The following HNRNPC variants were observed in gnomAD, a reference collection of about 807,000 sequenced individuals.
HNRNPC encodes heterogeneous nuclear ribonucleoprotein C.
HNRNPC carries 3 observed loss-of-function variants against 33.2 expected under a neutral mutation model. The ratio of observed to expected loss-of-function variants is 0.09; its 90% confidence interval spans 0.04 to 0.23. The LOEUF is 0.23. Among genes scored for constraint, HNRNPC ranks in the 10% least tolerant of loss-of-function variants. HNRNPC has a pLI of 1.00. For synonymous variants in HNRNPC, 121 were observed against 126.7 expected (o/e 0.96, Z 0.30); for missense variants, 143 against 366.7 (o/e 0.39, Z 4.98).
At chr14:21,245,721 A>T (rs1177669732) in intron 2 of HNRNPC, among the ~76,000 whole-genome samples, 1 of 152,124 alleles carries the variant, frequency 6.6e-6, no homozygotes, top group African/African-American at 2.4e-5. Flanking sequence ...TACTAACCTT[A>T]TTTAGTTTAC....
rs111976855 is a variant in HNRNPC, at chr14:21,266,722, C to A, written c.-63+2576G>T. Among the ~76,000 whole-genome samples, 69 of 150,416 alleles carry A rather than the reference C, an allele frequency of 4.6e-4. 1 individual carries two copies. The highest frequency in any genetic ancestry group is 1.6e-3 in the African/African-American group (65 of 40,830). ...ATGCATATTAAGAGCAAATAATGCT[C>A]CCCAGAGACAACTACTAATAAAGTA... is the stretch of plus-strand genomic sequence containing the variant. On this transcript the variant is annotated intron_variant, in intron 1 of 8. Coordinates refer to ENST00000553300, the MANE Select transcript of HNRNPC (RefSeq NM_004500.4).
At chr14:21,251,663 C>CAG (rs750707365) in intron 2 of HNRNPC, among the ~76,000 whole-genome samples, 5 of 151,852 alleles carry the variant, frequency 3.3e-5, no homozygotes, top group Non-Finnish European at 5.9e-5. Flanking sequence ...GCCTGGGCAA[C>CAG]AGAGACTCCG....
intron 1 of HNRNPC, among the ~76,000 whole-genome samples, chr14:21,267,083 G>A (rs556657416): frequency 5.9e-5 from 6 of 102,514 alleles, no homozygotes; most frequent in African/African-American, 7.6e-5. Flanking sequence ...GCGACAGAGC[G>A]AGACTCCGTC....
chr14:21,220,598 A>G (rs1892720082), intron 5 of HNRNPC, among the ~76,000 whole-genome samples: 1 of 152,198 alleles, frequency 6.6e-6, no homozygotes, highest in South Asian at 2.1e-4. Flanking sequence ...ATATTTGTTG[A>G]GTAAATAAAT....
chr14:21,211,879 T>A lies in HNRNPC; in HGVS notation c.568A>T (p.Ile190Leu). Residue 190 changes from isoleucine to leucine, a missense_variant, in exon 7 of 9, where the codon ATA becomes TTA. Ile to Leu is a conservative substitution (Grantham distance 5). Coordinates refer to ENST00000553300, the MANE Select transcript of HNRNPC (RefSeq NM_004500.4). ...AGGAGAGAATCCACTTTTTGTTTTA[T>A]CTGGGTCAGCTCCTTCTTAATGGCC... ...LQAIKKELTQIKQKVDSLLEN... is the reference protein window; with the variant it reads ...LQAIKKELTQLKQKVDSLLEN... 2 of 1,613,730 alleles carry A rather than the reference T, an allele frequency of 1.2e-6. No homozygotes were observed. Among genetic ancestry groups the A allele is most frequent in the Non-Finnish European group, 1.7e-6 (2 of 1,179,962 alleles).
chr14:21,268,524 G>T lies in HNRNPC; in HGVS notation c.-63+774C>A, dbSNP rs1164984482. On this transcript the variant is annotated intron_variant, in intron 1 of 8. Transcript: ENST00000553300. ...TAAAAACCACTCGACTGACCTCGTGGTCAAATTCCTTACTAGTGCTGCTAC... is the reference window on the plus strand; with the variant it reads ...TAAAAACCACTCGACTGACCTCGTGTTCAAATTCCTTACTAGTGCTGCTAC... 3 of 152,220 alleles carry T rather than the reference G, an allele frequency of 2.0e-5. No individual in the cohort carries two copies. In the East Asian group the frequency reaches 5.8e-4, roughly 29 times the overall value. 9.4% of individuals were successfully genotyped at this position (152,220 alleles called of 1,614,324 possible). A position where few individuals can be genotyped will look rare whatever the true frequency, so the allele number is the denominator to read the frequency against.
chr14:21,266,247 C>A (rs555190586), intron 1 of HNRNPC, among the ~76,000 whole-genome samples: 10 of 152,206 alleles, frequency 6.6e-5, no homozygotes, highest in African/African-American at 2.4e-4. Flanking sequence ...GGACTACAGG[C>A]GAGCGCCAGC....
chr14:21,215,589 T>C (rs897847523), intron 5 of HNRNPC, among the ~76,000 whole-genome samples: 4 of 152,126 alleles, frequency 2.6e-5, no homozygotes, highest in African/African-American at 4.8e-5. Flanking sequence ...GAGACATTAA[T>C]CACCTGAACA....
chr14:21,250,979 C>T (rs1041878147), intron 2 of HNRNPC, among the ~76,000 whole-genome samples: 4 of 152,038 alleles, frequency 2.6e-5, no homozygotes, highest in Non-Finnish European at 4.4e-5. Flanking sequence ...CTTCCATTTC[C>T]GGCCGGGCGC....
At chr14:21,239,294 TGGTGAAACACCATCTG>T in intron 2 of HNRNPC, among the ~76,000 whole-genome samples, 2 of 151,024 alleles carry the variant, frequency 1.3e-5, no homozygotes. Flanking sequence ...CTAGCTAACA[TGGTGAAACACCATCTG>T]TACTAAAAAT....
chr14:21,226,899 G>GAAAAT (rs763914963), intron 5 of HNRNPC, among the ~76,000 whole-genome samples: 1 of 106,356 alleles, frequency 9.4e-6, no homozygotes. Context: ...AAAAAAAGGG[G>GAAAAT]GGGGGGGGAC....
chr14:21,224,699 C>T (rs1389453600), intron 5 of HNRNPC, among the ~76,000 whole-genome samples: 2 of 152,140 alleles, frequency 1.3e-5, no homozygotes, highest in Admixed American at 6.5e-5. Flanking sequence ...AATCCCAGAA[C>T]ATGTAATACA....
intron 3 of HNRNPC, among the ~76,000 whole-genome samples, chr14:21,233,356 T>C (rs1253584579): frequency 6.6e-6 from 1 of 152,186 alleles, no homozygotes; most frequent in East Asian, 1.9e-4. Context: ...AATATAAATT[T>C]AAAAATAATC....
intron 2 of HNRNPC, among the ~76,000 whole-genome samples, chr14:21,242,142 G>A (rs978005976): frequency 6.6e-6 from 1 of 152,110 alleles, no homozygotes; most frequent in Non-Finnish European, 1.5e-5. Context: ...ATTTAAAAAT[G>A]GCAGGAAATC....
chr14:21,246,050 C>G (rs1281827172), intron 2 of HNRNPC, among the ~76,000 whole-genome samples: 1 of 152,052 alleles, frequency 6.6e-6, no homozygotes, highest in Non-Finnish European at 1.5e-5. Context: ...TCTCAAATTC[C>G]TGACCTGAGG....
chr14:21,244,040 T>C (rs1035781945), intron 2 of HNRNPC, among the ~76,000 whole-genome samples: 2 of 152,130 alleles, frequency 1.3e-5, no homozygotes, highest in African/African-American at 4.8e-5. Flanking sequence ...AGTTTTTTTT[T>C]TTTTTAAGAC....
intron 5 of HNRNPC, among the ~76,000 whole-genome samples, chr14:21,218,644 T>C (rs1892470259): frequency 8.1e-6 from 1 of 123,076 alleles, no homozygotes; most frequent in African/African-American, 3.3e-5. Flanking sequence ...ATCGCACCAC[T>C]GCATTCCAGC....
chr14:21,218,147 G>C (rs1372221007), intron 5 of HNRNPC, among the ~76,000 whole-genome samples: 2 of 152,134 alleles, frequency 1.3e-5, no homozygotes, highest in Admixed American at 6.5e-5. Flanking sequence ...AATTTTAGTA[G>C]AGATGGGATT....
intron 5 of HNRNPC, among the ~76,000 whole-genome samples, chr14:21,216,851 A>C (rs1892247648): frequency 6.6e-6 from 1 of 152,248 alleles, no homozygotes; most frequent in African/African-American, 2.4e-5. Context: ...AAAAAGTTTA[A>C]CACAGGTTTA....
Sources: gnomAD v4.1 joint callset for allele counts (sites outside exome capture counted in the v4.1 genomes callset) on GRCh38, gnomAD v4.1.1 for gene constraint, MANE v1.5 for transcripts, NCBI Gene and HGNC (gene_info 2026-07-23, HGNC 2026-07-21) for gene names.